The following HDAC9 variants were observed in gnomAD, a reference collection of about 807,000 sequenced individuals.
HDAC9 encodes MEF-2 interacting transcription repressor (MITR) protein.
A neutral mutation model predicts 139.4 loss-of-function variants in HDAC9; 41 were observed. That is an observed-to-expected ratio of 0.29 (90% CI 0.23 to 0.38). HDAC9 has a LOEUF of 0.38. Among genes scored for constraint, HDAC9 ranks in the 10% least tolerant of loss-of-function variants. The pLI, the probability that HDAC9 is intolerant of heterozygous loss-of-function variation, is 1.00. For missense variants in HDAC9, 1,147 were observed against 1,297.0 expected, an observed-to-expected ratio of 0.88 and a Z score of 1.78; for synonymous variants, 517 against 476.2, an observed-to-expected ratio of 1.09 and a Z score of -1.12.
chr7:18,272,943 ACT>A (rs1562820909), intron 2 of HDAC9, among the ~76,000 whole-genome samples: 1 of 149,122 alleles, frequency 6.7e-6, no homozygotes, highest in Non-Finnish European at 1.5e-5. Context: ...TACTACTACT[ACT>A]ACTACTACTA....
At chr7:18,798,081 G>GT (rs1792963618) in intron 17 of HDAC9, among the ~76,000 whole-genome samples, 1 of 151,712 alleles carries the variant, frequency 6.6e-6, no homozygotes, top group Non-Finnish European at 1.5e-5. Flanking sequence ...TTGTTTCCAG[G>GT]TTTTTGCTTT....
chr7:18,141,358 C>A (rs749754131), intron 1 of HDAC9, among the ~76,000 whole-genome samples: 1 of 152,130 alleles, frequency 6.6e-6, no homozygotes, highest in Non-Finnish European at 1.5e-5. Context: ...ATCTGGAAAT[C>A]CTGCCTTTGA....
At position 18,727,722 on chromosome 7, in the gene HDAC9, C is replaced by T. The variant is rs915091899; in HGVS notation, c.1874C>T (p.Ala625Val). 31 of 1,565,684 alleles carry T rather than the reference C, an allele frequency of 2.0e-5. No homozygotes were observed. The East Asian group carries it at 7.1e-4, about 36-fold the overall frequency. ...SPAASVLPHP[A>V]MDRPLQPGSA... ...GCTGCCTCTGTTTTACCTCACCCAGCAATGGACCGCCCCCTCCAGCCTGGC... is the reference window on the plus strand; with the variant it reads ...GCTGCCTCTGTTTTACCTCACCCAGTAATGGACCGCCCCCTCCAGCCTGGC... The change falls in exon 13 of 26, where the codon GCA (alanine) becomes GTA (valine). Residue 625 changes from alanine to valine, a missense_variant. This residue lies in a region of HDAC9 where 256 missense variants were observed against 219.2 expected (regional missense o/e 1.17). Transcript: ENST00000686413.
At chr7:18,754,766 T>C (rs1788737152) in intron 14 of HDAC9, among the ~76,000 whole-genome samples, 1 of 152,126 alleles carries the variant, frequency 6.6e-6, no homozygotes, top group Non-Finnish European at 1.5e-5. Flanking sequence ...GCAAGTTTAG[T>C]GCAGAATCTT....
At chr7:18,843,443 C>T (rs1253867309) in intron 21 of HDAC9, among the ~76,000 whole-genome samples, 1 of 151,892 alleles carries the variant, frequency 6.6e-6, no homozygotes, top group Non-Finnish European at 1.5e-5. Flanking sequence ...GTGGAATTGT[C>T]GTGTAGTTAA....
At chr7:18,679,179 G>A (rs1353131292) in intron 12 of HDAC9, among the ~76,000 whole-genome samples, 1 of 151,940 alleles carries the variant, frequency 6.6e-6, no homozygotes, top group Non-Finnish European at 1.5e-5. Context: ...TACCAAGTCA[G>A]TTCTCCAGTG....
chr7:18,633,504 C>G (rs1289939385), intron 7 of HDAC9, among the ~76,000 whole-genome samples: 1 of 151,778 alleles, frequency 6.6e-6, no homozygotes, highest in Non-Finnish European at 1.5e-5. Flanking sequence ...ATGGGTAAGA[C>G]TAAATGTGTG....
chr7:18,263,779 T>G (rs1385324160), intron 2 of HDAC9, among the ~76,000 whole-genome samples: 2 of 152,018 alleles, frequency 1.3e-5, no homozygotes, highest in African/African-American at 2.4e-5. Flanking sequence ...TGGCTAATTT[T>G]TGTAATTTTT....
intron 1 of HDAC9, among the ~76,000 whole-genome samples, chr7:18,374,201 A>G (rs201124601): frequency 0.026 from 2,631 of 100,684 alleles, 39 homozygotes; most frequent in Non-Finnish European, 0.03. Flanking sequence ...GTATGTGTGT[A>G]TATATATATA....
At chr7:18,656,518 G>T (rs1418488685) in intron 11 of HDAC9, among the ~76,000 whole-genome samples, 1 of 151,972 alleles carries the variant, frequency 6.6e-6, no homozygotes, top group East Asian at 1.9e-4. Context: ...TTTTTCAAGA[G>T]AAGTTTCTGA....
intron 1 of HDAC9, among the ~76,000 whole-genome samples, chr7:18,103,597 A>G (rs1203303872): frequency 1.3e-5 from 2 of 152,034 alleles, no homozygotes; most frequent in Non-Finnish European, 2.9e-5. Context: ...AGCCACTGTT[A>G]TTTTCAGTCT....
intron 1 of HDAC9, among the ~76,000 whole-genome samples, chr7:18,124,032 C>G (rs1784512123): frequency 6.6e-6 from 1 of 152,106 alleles, no homozygotes; most frequent in African/African-American, 2.4e-5. Flanking sequence ...GCAGGTTTCC[C>G]TTTGCATACC....
chr7:18,873,419 TTCAACTAAATATTTTTATTGCATA>T (rs1367629898), intron 21 of HDAC9, among the ~76,000 whole-genome samples: 7 of 152,276 alleles, frequency 4.6e-5, no homozygotes, highest in East Asian at 1.9e-4. Flanking sequence ...CTAGGTAAGT[TTCAACTAAATATTTTTATTGCATA>T]ACTGCAACAA....
chr7:18,203,510 T>A lies in HDAC9; in HGVS notation c.25+41161T>A, dbSNP rs145946814. Among the ~76,000 whole-genome samples the A allele has an allele frequency of 5.7e-4, 87 of 152,304 alleles. 1 individual carries two copies. The highest frequency in any genetic ancestry group is 1.1e-3 in the Non-Finnish European group (76 of 68,032). ...AATATAAGACCCAGAGGCATACTAT[T>A]CCAAGTAGAAAATTTCATCATATAA... On this transcript the variant is annotated intron_variant, in intron 2 of 12. Coordinates refer to the HDAC9 transcript ENST00000417496.
chr7:18,764,083 TG>T (rs764498739), intron 15 of HDAC9, among the ~76,000 whole-genome samples: 34 of 152,312 alleles, frequency 2.2e-4, no homozygotes, highest in Non-Finnish European at 4.1e-4. Context: ...ACCTATTTTT[TG>T]TAAAATATTT....
chr7:18,603,862 GA>G (rs1178742582), intron 6 of HDAC9, among the ~76,000 whole-genome samples: 120 of 152,194 alleles, frequency 7.9e-4, no homozygotes, highest in African/African-American at 2.8e-3. Context: ...GTTTGTCCAA[GA>G]AAGTGCTTTA....
chr7:18,414,760 T>G (rs1788889234), intron 1 of HDAC9, among the ~76,000 whole-genome samples: 1 of 152,212 alleles, frequency 6.6e-6, no homozygotes, highest in South Asian at 2.1e-4. Context: ...AAATTAAGAA[T>G]GAATATAACT....
At chr7:18,448,380 C>T (rs984792792) in intron 1 of HDAC9, among the ~76,000 whole-genome samples, 1 of 152,180 alleles carries the variant, frequency 6.6e-6, no homozygotes, top group Non-Finnish European at 1.5e-5. Context: ...GCATATTTAT[C>T]GTACAAAATG....
chr7:18,260,320 T>G (rs1376295530), intron 2 of HDAC9, among the ~76,000 whole-genome samples: 82 of 133,910 alleles, frequency 6.1e-4, no homozygotes, highest in South Asian at 1.7e-3. Context: ...TGTTTTTTTT[T>G]TTGTTTTTTT....
Sources: allele counts gnomAD v4.1 joint callset (sites outside exome capture counted in the v4.1 genomes callset), GRCh38; gene constraint gnomAD v4.1.1; regional missense constraint gnomAD v4.1.1; transcripts MANE v1.5; gene names NCBI Gene and HGNC (gene_info 2026-07-23, HGNC 2026-07-21).